Variants in AQP7 observed in about 807,000 individuals in gnomAD.
The protein encoded by AQP7 is aquaporin-7.
A neutral mutation model predicts 26.1 loss-of-function variants in AQP7; 22 were observed. The ratio of observed to expected loss-of-function variants is 0.84; its 90% CI spans 0.60 to 1.20. The LOEUF (loss-of-function observed/expected upper bound fraction) is 1.20. AQP7 is among the 50% of genes most tolerant of loss of function. The pLI, the probability that AQP7 is intolerant of heterozygous loss-of-function variation, is 0.00. For synonymous variants in AQP7, 167 were observed against 181.7 expected (o/e 0.92, Z 0.65); for missense variants, 412 against 457.5 (o/e 0.90, Z 0.91).
chr9:33,395,362 A>C, intron 2 of AQP7, 167 bp from the exon 3 acceptor site: 2 of 632,960 alleles, frequency 3.2e-6, no homozygotes, highest in Non-Finnish European at 5.7e-6. Context: ...GACACTTGAG[A>C]GCCACGGGGA....
At chr9:33,400,630 AAAT>A in intron 2 of AQP7, among the ~76,000 whole-genome samples, 1 of 152,074 alleles carries the variant, frequency 6.6e-6, no homozygotes, top group Non-Finnish European at 1.5e-5. Flanking sequence ...AAAAATACCA[AAAT>A]AATAATAATA....
intron 3 of AQP7, chr9:33,393,756 C>G (rs1445425980): frequency 2.0e-5 from 3 of 152,302 alleles, no homozygotes; most frequent in African/African-American, 7.2e-5. Context: ...TACCAGCAAC[C>G]TCCACGTTGC....
Position 33,385,772 on chromosome 9 carries a change from C to A in AQP7, c.620G>T (p.Gly207Val). 1 of 1,613,570 alleles carries A rather than the reference C, an allele frequency of 6.2e-7. No individual in the cohort carries two copies. The highest frequency in any genetic ancestry group is 8.5e-7 in the Non-Finnish European group (1 of 1,180,002). The change falls in exon 7 of 8, where the codon GGC (glycine) becomes GTC (valine). Residue 207 changes from glycine to valine, a missense_variant. By Grantham distance (109) the Gly-to-Val change is moderately radical. Coordinates refer to ENST00000297988, the MANE Select transcript of AQP7 (RefSeq NM_001170.3). ...CACCCCGATGATGACCACGAGGATG[C>A]CTATCACCAGCGCCTCTGTTCCTGG... ...ALPGTEALVI[G>V]ILVVIIGVSL...
Position 33,386,160 on chromosome 9 carries a change from C to A in AQP7, c.442G>T (p.Val148Leu). ...CCAGCTGTAGCGACGGGACCGGTCA[C>A]CATCAGCTGTCCACCCGAAAAGTGG... Reference protein sequence around the residue: ...ILHFSGGQLMVTGPVATAGIF... With the variant: ...ILHFSGGQLMLTGPVATAGIF... Residue 148 changes from valine (V) to leucine (L), a missense_variant, in exon 6 of 8, where the codon GTG becomes TTG. Physicochemically the swap from Val to Leu is conservative, Grantham distance 32. Transcript: ENST00000297988. 6.2e-7 allele frequency: 1 copy of A among 1,613,998 alleles called. No homozygotes were observed. Among genetic ancestry groups the A allele is most frequent in the Non-Finnish European group, 8.5e-7 (1 of 1,179,866 alleles).
intron 2 of AQP7, chr9:33,395,586 G>A (rs1026853376): frequency 5.0e-5 from 11 of 219,304 alleles, no homozygotes; most frequent in East Asian, 1.2e-4. Flanking sequence ...CCGTCTGTCC[G>A]TCTGCCTATC....
chr9:33,386,495 G>A lies in AQP7; in HGVS notation c.315C>T (p.Gly105=), dbSNP rs1215557323. The change falls in exon 5 of 8, where the codon GGC becomes GGT. Residue 105 remains glycine, a synonymous_variant. Transcript: ENST00000297988. ...CCGGAAACTTCCTCCAGGGCACGCG[G>A]CCCAGCGCACAGTTAGCAAAGGTCA... The part of the protein sequence containing the change: ...AAVTFANCAL[G]RVPWRKFPVY... 6.2e-7 allele frequency: 1 copy of A among 1,612,394 alleles called. No homozygotes were observed. Among genetic ancestry groups the A allele is most frequent in the Non-Finnish European group, 8.5e-7 (1 of 1,179,262 alleles).
At chr9:33,394,299 CTCT>C (rs1209270168) in intron 3 of AQP7, 1 of 152,352 alleles carries the variant, frequency 6.6e-6, no homozygotes, top group Non-Finnish European at 1.5e-5. Context: ...CAAAAACAGC[CTCT>C]TAACTGGTTC....
chr9:33,398,510 G>A (rs1826011494), intron 2 of AQP7, among the ~76,000 whole-genome samples: 1 of 152,258 alleles, frequency 6.6e-6, no homozygotes, highest in Non-Finnish European at 1.5e-5. Flanking sequence ...AGCGCCAATG[G>A]CCAAAAGAGC....
chr9:33,398,839 G>C (rs113993246), intron 2 of AQP7, among the ~76,000 whole-genome samples: 5 of 152,114 alleles, frequency 3.3e-5, no homozygotes, highest in Admixed American at 1.3e-4. Flanking sequence ...TACAGACTAA[G>C]AAGAGGGGCC....
intron 1 of AQP7, 151 bp from the exon 2 acceptor site, chr9:33,401,438 G>T: frequency 1.5e-6 from 1 of 677,016 alleles, no homozygotes; most frequent in Non-Finnish European, 2.6e-6. Flanking sequence ...AGGGAGGAGC[G>T]GTGCTCAGCC....
rs777690481 is a variant in AQP7 at position 33,395,187 on chromosome 9, C to T, written c.35G>A (p.Arg12His). ...GGACCAGGAGACCATTTTGGAGCCA[C>T]GGGTGGACCTAAGACAGTGGCCCGA... ...VQASGHRRST[R>H]GSKMVSWSVI... is the part of the protein sequence containing the mutation. The change falls in exon 3 of 8, where the codon CGT (arginine) becomes CAT (histidine). Residue 12 changes from arginine (R) to histidine (H), a missense_variant. Arg to His is a conservative substitution (Grantham distance 29). Coordinates refer to ENST00000297988, the MANE Select transcript of AQP7 (RefSeq NM_001170.3). 2.2e-5 allele frequency: 36 copies of T among 1,613,444 alleles called. 1 individual carries two copies. The highest frequency in any genetic ancestry group is 1.8e-4 in the South Asian group (16 of 91,056).
In AQP7 at chr9:33,388,199, G is replaced by A. The variant is rs181846164; in HGVS notation, c.145-1107C>T. Among the ~76,000 whole-genome samples the A allele has an allele frequency of 2.6e-4, 39 of 152,262 alleles. No individual in the cohort carries two copies. The East Asian group carries it at 5.8e-3, about 23-fold the overall frequency. ...CCCACTGGAACTCTCCTGGTGTTCC[G>A]CGGGCGTCTCAGGCTCTGTTGAAGG... On this transcript the variant is annotated intron_variant, in intron 3 of 7. Transcript: ENST00000297988.
intron 3 of AQP7, among the ~76,000 whole-genome samples, chr9:33,393,402 T>TG (rs1268951304): frequency 1.3e-5 from 2 of 152,206 alleles, no homozygotes. Context: ...CAAGGCCAAC[T>TG]GGTCACTCAG....
intron 3 of AQP7, among the ~76,000 whole-genome samples, chr9:33,389,023 A>AT (rs34391457): frequency 0.023 from 2,525 of 111,050 alleles, 34 homozygotes; most frequent in South Asian, 0.045. Flanking sequence ...CACCCAGCCA[A>AT]TTTTTTTTTT....
At chr9:33,393,408 C>T (rs930381234) in intron 3 of AQP7, among the ~76,000 whole-genome samples, 9 of 152,198 alleles carry the variant, frequency 5.9e-5, no homozygotes, top group Admixed American at 4.6e-4. Context: ...CAACTGGTCA[C>T]TCAGTGGCAG....
At chr9:33,400,355 T>C (rs1826174838) in intron 2 of AQP7, among the ~76,000 whole-genome samples, 2 of 151,942 alleles carry the variant, frequency 1.3e-5, no homozygotes, top group South Asian at 2.1e-4. Flanking sequence ...AGAGTAATCC[T>C]TGTTGAGAAG....
At chr9:33,391,960 A>G (rs987032839) in intron 3 of AQP7, among the ~76,000 whole-genome samples, 1 of 152,232 alleles carries the variant, frequency 6.6e-6, no homozygotes, top group Non-Finnish European at 1.5e-5. Flanking sequence ...AACAAGCCAG[A>G]GTCTTCAAAA....
chr9:33,395,014 T>C (rs968439382), intron 3 of AQP7, 64 bp downstream of exon 3: 4 of 1,397,570 alleles, frequency 2.9e-6, no homozygotes, highest in African/African-American at 2.8e-5. Context: ...GGGGTCAGCA[T>C]GGGGAGGGGG....
intron 3 of AQP7, among the ~76,000 whole-genome samples, chr9:33,388,253 C>G (rs1311998118): frequency 6.6e-6 from 1 of 152,184 alleles, no homozygotes; most frequent in East Asian, 1.9e-4. Flanking sequence ...ACCTGCTCCT[C>G]ACTCTATGTT....
Sources: allele counts gnomAD v4.1 joint callset (sites outside exome capture counted in the v4.1 genomes callset), GRCh38; gene constraint gnomAD v4.1.1; transcripts MANE v1.5; gene names NCBI Gene and HGNC (gene_info 2026-07-23, HGNC 2026-07-21).